Variants in DLG2 observed in about 807,000 individuals in gnomAD.
DLG2 encodes the protein disks large homolog 2.
Under a neutral mutation model 132.5 loss-of-function variants are expected in DLG2, and 45 were observed. The ratio of observed to expected loss-of-function variants is 0.34; its 90% CI spans 0.27 to 0.44. DLG2 has a LOEUF of 0.44. DLG2 is among the 20% of genes least tolerant of loss of function. The pLI is 1.00. For missense variants in DLG2, 1,045 were observed against 1,196.9 expected (o/e 0.87, Z 1.87); for synonymous variants, 424 against 419.6 (o/e 1.01, Z -0.13).
At position 84,538,944 on chromosome 11, in the gene DLG2, T is replaced by C. The variant is rs80303056; in HGVS notation, c.358-4213A>G. 3.5e-3 allele frequency among the ~76,000 whole-genome samples: 531 copies of C among 152,278 alleles called. 5 individuals carry two copies. The highest frequency in any genetic ancestry group is 0.011 in the African/African-American group (439 of 41,548). ...TTCCAAAGGAATCACCCTGATATGA[T>C]ATAGCAGAATTTCTCTGCTTGTATT... On this transcript the variant is annotated intron_variant, in intron 6 of 27. Transcript: ENST00000376104.
At chr11:84,101,741 G>A (rs1430341719) in intron 9 of DLG2, among the ~76,000 whole-genome samples, 4 of 152,010 alleles carry the variant, frequency 2.6e-5, no homozygotes, top group Non-Finnish European at 5.9e-5. Context: ...ATCAACTAGA[G>A]TATATTGGTC....
Position 84,174,676 on chromosome 11 carries a change from C to G in DLG2, c.574-11165G>C, listed in dbSNP as rs2095908354. ...AAAAAAGGCCTCTGCCTTTATGGAG[C>G]TGCATTCTATTGGTGGTGTGGGAAT... On this transcript the variant is annotated intron_variant, in intron 8 of 27. Transcript: ENST00000376104. Among the ~76,000 whole-genome samples, 3 of 152,128 alleles carry G rather than the reference C, an allele frequency of 2.0e-5. No individual in the cohort carries two copies. In the South Asian group the frequency reaches 6.2e-4, roughly 31 times the overall value.
chr11:85,492,901 G>C (rs2093593953), intron 3 of DLG2, among the ~76,000 whole-genome samples: 1 of 151,908 alleles, frequency 6.6e-6, no homozygotes, highest in Admixed American at 6.6e-5. Context: ...GCCTTTACAT[G>C]CCCTAAATTA....
intron 18 of DLG2, among the ~76,000 whole-genome samples, chr11:83,769,292 TA>T (rs2094280164): frequency 6.6e-6 from 1 of 152,202 alleles, no homozygotes; most frequent in South Asian, 2.1e-4. Flanking sequence ...TGCTTAGGCT[TA>T]AAAATATTAC....
chr11:85,613,960 T>C (rs890212074), intron 2 of DLG2, among the ~76,000 whole-genome samples: 1 of 152,142 alleles, frequency 6.6e-6, no homozygotes, highest in Non-Finnish European at 1.5e-5. Context: ...ACTCTGGACA[T>C]GCCACCTTTA....
At chr11:84,119,263 A>G (rs2093787468) in intron 9 of DLG2, among the ~76,000 whole-genome samples, 1 of 152,080 alleles carries the variant, frequency 6.6e-6, no homozygotes, top group African/African-American at 2.4e-5. Flanking sequence ...TATTACCCAA[A>G]TACCGCTATT....
intron 21 of DLG2, among the ~76,000 whole-genome samples, chr11:83,499,897 A>C (rs1413102897): frequency 8.8e-6 from 1 of 114,010 alleles, no homozygotes; most frequent in Non-Finnish European, 1.8e-5. Flanking sequence ...ATATATATAT[A>C]TCAGTTCTGT....
chr11:84,645,785 T>C (rs1434144305), intron 6 of DLG2, among the ~76,000 whole-genome samples: 1 of 152,104 alleles, frequency 6.6e-6, no homozygotes, highest in East Asian at 1.9e-4. Flanking sequence ...TATTTAATAA[T>C]GTTTTTGCAT....
chr11:83,851,336 C>T (rs1437625036), intron 16 of DLG2, among the ~76,000 whole-genome samples: 1 of 151,996 alleles, frequency 6.6e-6, no homozygotes, highest in Non-Finnish European at 1.5e-5. Flanking sequence ...TATAAGGAGA[C>T]AGCCAGGGCT....
At chr11:85,097,793 C>T (rs1443478334) in intron 6 of DLG2, among the ~76,000 whole-genome samples, 1 of 152,170 alleles carries the variant, frequency 6.6e-6, no homozygotes, top group Non-Finnish European at 1.5e-5. Flanking sequence ...TATGAGGCTC[C>T]AGAAGGCCAA....
intron 3 of DLG2, among the ~76,000 whole-genome samples, chr11:85,587,739 C>T (rs984778925): frequency 7.9e-5 from 12 of 152,158 alleles, no homozygotes; most frequent in African/African-American, 2.7e-4. Flanking sequence ...ATCGTGCTAG[C>T]TGTTGCCTGA....
Position 83,713,873 on chromosome 11 carries a change from C to A in DLG2, c.1825+72817G>T, listed in dbSNP as rs117020464. On this transcript the variant is annotated intron_variant, in intron 18 of 27. Coordinates refer to ENST00000376104, the MANE Select transcript of DLG2 (RefSeq NM_001142699.3). ...CATACAGTATTTGCCAGAGTACTTG[C>A]GAATGTGCAAGGATGAAAAGAGCAT... 5.3e-4 allele frequency among the ~76,000 whole-genome samples: 80 copies of A among 152,222 alleles called. No homozygotes were observed. The East Asian group carries it at 0.013, about 25-fold the overall frequency.
At chr11:83,770,354 A>AAAGAAAG (rs1218538098) in intron 18 of DLG2, among the ~76,000 whole-genome samples, 1 of 151,116 alleles carries the variant, frequency 6.6e-6, no homozygotes, top group African/African-American at 2.4e-5. Flanking sequence ...TTAAAAAAAA[A>AAAGAAAG]AAGAAAGTAA....
chr11:83,842,708 C>A (rs974746528), intron 16 of DLG2, among the ~76,000 whole-genome samples: 4 of 149,546 alleles, frequency 2.7e-5, no homozygotes, highest in Non-Finnish European at 5.9e-5. Flanking sequence ...CCCAGGTACT[C>A]GGGAGGCTGA....
chr11:83,662,116 C>A (rs1236096054), intron 18 of DLG2, among the ~76,000 whole-genome samples: 1 of 152,144 alleles, frequency 6.6e-6, no homozygotes, highest in Non-Finnish European at 1.5e-5. Context: ...CCACTTATGA[C>A]TCTACTAGGA....
intron 11 of DLG2, among the ~76,000 whole-genome samples, chr11:84,049,550 G>T (rs2096313368): frequency 1.3e-5 from 2 of 151,734 alleles, no homozygotes; most frequent in Non-Finnish European, 1.5e-5. Context: ...ACTCATCTCT[G>T]CCCCAATTCT....
intron 7 of DLG2, among the ~76,000 whole-genome samples, chr11:84,502,268 T>C (rs1266215291): frequency 1.5e-4 from 7 of 47,858 alleles, no homozygotes; most frequent in East Asian, 1.2e-3. Context: ...CCTTCCTTCC[T>C]TCCTTCCTTC....
chr11:85,261,384 C>A (rs1218025210), intron 4 of DLG2, among the ~76,000 whole-genome samples: 1 of 151,924 alleles, frequency 6.6e-6, no homozygotes, highest in East Asian at 1.9e-4. Context: ...ACATCCCCCA[C>A]CCCCACCACA....
intron 6 of DLG2, among the ~76,000 whole-genome samples, chr11:84,553,990 C>T (rs1204289120): frequency 6.6e-6 from 1 of 152,138 alleles, no homozygotes; most frequent in Admixed American, 6.5e-5. Flanking sequence ...GAGACTTGGC[C>T]AGGCTGATAA....
Sources: allele counts gnomAD v4.1 joint callset (sites outside exome capture counted in the v4.1 genomes callset), GRCh38; gene constraint gnomAD v4.1.1; transcripts MANE v1.5; gene names NCBI Gene and HGNC (gene_info 2026-07-23, HGNC 2026-07-21).